CSMD1: variants seen among roughly 807,000 people sequenced by gnomAD.
CSMD1 encodes CUB and sushi domain-containing protein 1.
A neutral mutation model predicts 417.5 loss-of-function variants in CSMD1; 213 were observed. That is an observed-to-expected ratio of 0.51 (90% CI 0.46 to 0.57). The LOEUF (loss-of-function observed/expected upper bound fraction) is 0.57. Among genes scored for constraint, CSMD1 ranks in the 20% least tolerant of loss-of-function variants. The probability of loss-of-function intolerance (pLI) is 0.00; values close to 1 mark genes in which losing one functional copy is unlikely to be tolerated. For missense variants in CSMD1, 6,923 were observed against 4,529.7 expected, an observed-to-expected ratio of 1.53 and a Z score of -15.17; for synonymous variants, 2,862 against 1,736.8, an observed-to-expected ratio of 1.65 and a Z score of -16.11.
At chr8:4,911,263 C>A (rs774834307) in intron 1 of CSMD1, among the ~76,000 whole-genome samples, 2 of 152,194 alleles carry the variant, frequency 1.3e-5, no homozygotes, top group African/African-American at 2.4e-5. Context: ...GTCCACCAGT[C>A]GTAATTTCTG....
intron 5 of CSMD1, among the ~76,000 whole-genome samples, chr8:3,846,160 T>C (rs1404995496): frequency 6.6e-6 from 1 of 152,200 alleles, no homozygotes; most frequent in Admixed American, 6.5e-5. Context: ...TCAAGCATTA[T>C]GCATGGTACA....
chr8:4,192,604 A>G (rs918780950), intron 3 of CSMD1, among the ~76,000 whole-genome samples: 2 of 152,214 alleles, frequency 1.3e-5, no homozygotes, highest in South Asian at 2.1e-4. Context: ...CCCTATAATG[A>G]GAACAGGTTG....
At chr8:4,272,291 A>T (rs1804653175) in intron 3 of CSMD1, among the ~76,000 whole-genome samples, 1 of 152,172 alleles carries the variant, frequency 6.6e-6, no homozygotes, top group Non-Finnish European at 1.5e-5. Flanking sequence ...AAATAGAAAA[A>T]CATTTTTTTC....
At chr8:3,542,260 T>C (rs1798471738) in intron 10 of CSMD1, among the ~76,000 whole-genome samples, 1 of 152,210 alleles carries the variant, frequency 6.6e-6, no homozygotes, top group Admixed American at 6.5e-5. Flanking sequence ...AATTCTTTAC[T>C]CTTTTATGTC....
intron 50 of CSMD1, among the ~76,000 whole-genome samples, chr8:3,045,117 C>A (rs563489285): frequency 6.6e-6 from 1 of 152,072 alleles, no homozygotes; most frequent in Non-Finnish European, 1.5e-5. Flanking sequence ...TAAAGAACGA[C>A]GGGAGGAAAT....
Position 3,541,206 on chromosome 8 carries a change from G to A in CSMD1, c.1344+33739C>T, listed in dbSNP as rs550129316. Reference sequence around the variant, plus strand: ...ATGGAATGCTATGCAGCCATAAGAAGGAATGAGATCACGTGCTTTGCAGGA... The same window carrying A: ...ATGGAATGCTATGCAGCCATAAGAAAGAATGAGATCACGTGCTTTGCAGGA... On this transcript the variant is annotated intron_variant, in intron 10 of 69. Coordinates refer to ENST00000635120, the MANE Select transcript of CSMD1 (RefSeq NM_033225.6). 3.3e-5 allele frequency among the ~76,000 whole-genome samples: 5 copies of A among 152,282 alleles called. No individual in the cohort carries two copies. In the South Asian group the frequency reaches 1.0e-3, roughly 32 times the overall value.
chr8:4,487,541 A>G (rs1397687259), intron 2 of CSMD1, among the ~76,000 whole-genome samples: 1 of 152,202 alleles, frequency 6.6e-6, no homozygotes, highest in African/African-American at 2.4e-5. Context: ...TACATGTGCC[A>G]CATTTTCTTA....
intron 3 of CSMD1, among the ~76,000 whole-genome samples, chr8:4,230,166 G>C (rs1264458137): frequency 6.6e-6 from 1 of 152,116 alleles, no homozygotes; most frequent in Non-Finnish European, 1.5e-5. Context: ...GGGTATGTTT[G>C]AATTGATATT....
At chr8:4,927,993 G>A (rs1048400228) in intron 1 of CSMD1, among the ~76,000 whole-genome samples, 27 of 152,062 alleles carry the variant, frequency 1.8e-4, no homozygotes, top group African/African-American at 2.7e-4. Flanking sequence ...TAAAGCTCCC[G>A]AGTCACACCC....
At chr8:4,754,954 T>C (rs1212513818) in intron 1 of CSMD1, among the ~76,000 whole-genome samples, 4 of 151,892 alleles carry the variant, frequency 2.6e-5, no homozygotes, top group Non-Finnish European at 5.9e-5. Flanking sequence ...CTGGCCAACA[T>C]AGTGAAACCC....
chr8:4,002,238 CGT>C (rs1414853901), intron 4 of CSMD1, among the ~76,000 whole-genome samples: 1 of 151,656 alleles, frequency 6.6e-6, no homozygotes, highest in South Asian at 2.1e-4. Context: ...CATGTGTGTG[CGT>C]GTGTTTGTGT....
chr8:3,162,788 G>A (rs1015377008), intron 37 of CSMD1, among the ~76,000 whole-genome samples: 1 of 151,098 alleles, frequency 6.6e-6, no homozygotes, highest in East Asian at 1.9e-4. Flanking sequence ...CAACAAAAAA[G>A]GATCTCATGA....
intron 3 of CSMD1, among the ~76,000 whole-genome samples, chr8:4,086,079 C>T (rs919530262): frequency 6.6e-6 from 1 of 152,090 alleles, no homozygotes; most frequent in South Asian, 2.1e-4. Context: ...GTATTTTTTC[C>T]ATATTTAATC....
At chr8:4,101,923 A>G (rs1801324794) in intron 3 of CSMD1, among the ~76,000 whole-genome samples, 1 of 152,170 alleles carries the variant, frequency 6.6e-6, no homozygotes, top group Non-Finnish European at 1.5e-5. Flanking sequence ...GCATTTTCCC[A>G]GTGGACTTGC....
intron 3 of CSMD1, among the ~76,000 whole-genome samples, chr8:4,359,708 T>C (rs1327143429): frequency 6.6e-6 from 1 of 152,194 alleles, no homozygotes; most frequent in Non-Finnish European, 1.5e-5. Context: ...AGTGTGTTTG[T>C]CTATAGACAG....
At chr8:3,317,044 AGT>A (rs1307186955) in intron 23 of CSMD1, among the ~76,000 whole-genome samples, 5 of 152,116 alleles carry the variant, frequency 3.3e-5, no homozygotes, top group Non-Finnish European at 7.3e-5. Flanking sequence ...ATTGAGCCTG[AGT>A]GAGAGTGGAC....
In CSMD1 at chr8:3,915,117, G is replaced by C. The variant is rs116453378; in HGVS notation, c.818+82786C>G. 9.0e-3 allele frequency among the ~76,000 whole-genome samples: 1,370 copies of C among 152,118 alleles called. 17 individuals carry two copies. Among genetic ancestry groups the C allele is most frequent in the African/African-American group, 0.031 (1,278 of 41,516 alleles). On this transcript the variant is annotated intron_variant, in intron 5 of 69. Transcript: ENST00000635120. ...CTAATAATGAAGAGTCAAGAGTTTAGGTAGCAGGTTGGGAGTAGTAGTTCA... is the reference window on the plus strand; with the variant it reads ...CTAATAATGAAGAGTCAAGAGTTTACGTAGCAGGTTGGGAGTAGTAGTTCA...
chr8:4,799,598 C>CAAAAAAAAAAA (rs1168273531), intron 1 of CSMD1, among the ~76,000 whole-genome samples: 49 of 47,170 alleles, frequency 1.0e-3, no homozygotes, highest in South Asian at 3.1e-3. Flanking sequence ...GACTCCGTCT[C>CAAAAAAAAAAA]AAAAAAAAAA....
At chr8:4,103,346 T>G (rs868227150) in intron 3 of CSMD1, among the ~76,000 whole-genome samples, 4 of 151,520 alleles carry the variant, frequency 2.6e-5, no homozygotes, top group African/African-American at 9.7e-5. Context: ...TAGAAAAAAG[T>G]TGGTTTTGAA....
Sources: gnomAD v4.1 joint callset for allele counts (sites outside exome capture counted in the v4.1 genomes callset) on GRCh38, gnomAD v4.1.1 for gene constraint, MANE v1.5 for transcripts, NCBI Gene and HGNC (gene_info 2026-07-23, HGNC 2026-07-21) for gene names.